The following STAU1 variants were observed in gnomAD, a reference collection of about 807,000 sequenced individuals.
The protein encoded by STAU1 is double-stranded RNA-binding protein Staufen homolog 1.
A neutral mutation model predicts 62.9 loss-of-function variants in STAU1; 13 were observed. The observed-to-expected ratio is 0.21, with a 90% CI of 0.13 to 0.33. STAU1 has a LOEUF of 0.33. STAU1 is among the 10% of genes least tolerant of loss of function. The pLI, the probability that STAU1 is intolerant of heterozygous loss-of-function variation, is 1.00. For synonymous variants in STAU1, 269 were observed against 265.1 expected (o/e 1.01, Z -0.14); for missense variants, 571 against 712.1 (o/e 0.80, Z 2.25).
chr20:49,149,493 C>A (rs540865989), intron 5 of STAU1, among the ~76,000 whole-genome samples: 1 of 152,280 alleles, frequency 6.6e-6, no homozygotes, highest in East Asian at 1.9e-4. Flanking sequence ...CAGTGTCCAG[C>A]AATTGTTCAT....
At chr20:49,195,528 T>C in the STAU1 span, among the ~76,000 whole-genome samples, 4 of 41,420 alleles carry the variant, frequency 9.7e-5, no homozygotes, top group African/African-American at 1.6e-4. Context: ...AGAGCAAGAC[T>C]CCGTCTCAAA....
At chr20:49,152,340 C>CTTTTTTTTTTTT in intron 4 of STAU1, among the ~76,000 whole-genome samples, 1 of 104,576 alleles carries the variant, frequency 9.6e-6, no homozygotes, top group Non-Finnish European at 1.8e-5. Context: ...CCACTAATGT[C>CTTTTTTTTTTTT]TTTTTTTTTT....
At chr20:49,149,390 C>T (rs113448636) in intron 5 of STAU1, among the ~76,000 whole-genome samples, 1,803 of 73,948 alleles carry the variant, frequency 0.024, 43 homozygotes, top group African/African-American at 0.049. Flanking sequence ...TCCTGGGTCT[C>T]ACCCTACACC....
At chr20:49,150,258 C>T in intron 5 of STAU1, among the ~76,000 whole-genome samples, 1 of 152,164 alleles carries the variant, frequency 6.6e-6, no homozygotes, top group East Asian at 1.9e-4. Context: ...AATTCTTTGA[C>T]AATCCTTTCA....
chr20:49,129,014 C>T (rs1205973303), intron 6 of STAU1, among the ~76,000 whole-genome samples: 4 of 151,814 alleles, frequency 2.6e-5, no homozygotes, highest in Admixed American at 6.6e-5. Context: ...TAAAATCAAA[C>T]GACAAGCCAC....
chr20:49,132,675 C>T (rs1714648357), intron 6 of STAU1, among the ~76,000 whole-genome samples: 1 of 152,128 alleles, frequency 6.6e-6, no homozygotes, highest in African/African-American at 2.4e-5. Context: ...AGGAGAATTG[C>T]TTGAAGCCAG....
At chr20:49,218,564 A>C in the STAU1 span, among the ~76,000 whole-genome samples, 1 of 107,656 alleles carries the variant, frequency 9.3e-6, no homozygotes, top group African/African-American at 2.8e-5. Context: ...AAACAAACAA[A>C]CAAAAAAAAC....
At chr20:49,163,910 G>A (rs2093487343) in intron 3 of STAU1, among the ~76,000 whole-genome samples, 1 of 151,252 alleles carries the variant, frequency 6.6e-6, no homozygotes, top group Non-Finnish European at 1.5e-5. Flanking sequence ...GACAACAGGT[G>A]CACACCATCA....
intron 5 of STAU1, 49 bp from the exon 6 acceptor site, chr20:49,135,980 G>T (rs1444509350): frequency 1.5e-5 from 21 of 1,444,320 alleles, no homozygotes; most frequent in Non-Finnish European, 2.0e-5. Flanking sequence ...ATAGTCAATG[G>T]CCAGGTGAGT....
At chr20:49,126,588 C>CAAAAAAAAAACAAAACAAACAAA (rs1568835758) in intron 6 of STAU1, among the ~76,000 whole-genome samples, 9 of 56,376 alleles carry the variant, frequency 1.6e-4, no homozygotes, top group African/African-American at 5.7e-4. Context: ...AAAAAAAAAA[C>CAAAAAAAAAACAAAACAAACAAA]AAAAAAAAAA....
intron 6 of STAU1, among the ~76,000 whole-genome samples, chr20:49,133,075 A>C (rs1032651729): frequency 6.6e-6 from 1 of 152,210 alleles, no homozygotes; most frequent in Admixed American, 6.5e-5. Context: ...AGCTGTGATA[A>C]ATTACTTTAA....
intron 2 of STAU1, among the ~76,000 whole-genome samples, chr20:49,166,511 C>T (rs374778374): frequency 2.0e-4 from 30 of 152,260 alleles, no homozygotes; most frequent in African/African-American, 7.2e-4. Flanking sequence ...TACCTGTGTG[C>T]TCTGCATATT....
chr20:49,125,198 C>CAAAAAAAAAAAAAAAAAAA (rs1171534142), intron 6 of STAU1, among the ~76,000 whole-genome samples: 4 of 33,716 alleles, frequency 1.2e-4, no homozygotes, highest in Admixed American at 5.3e-4. Context: ...CTCATTTTTG[C>CAAAAAAAAAAAAAAAAAAA]AAAAAAAAAA....
intron 2 of STAU1, among the ~76,000 whole-genome samples, chr20:49,173,733 C>A (rs1056945528): frequency 6.6e-6 from 1 of 152,170 alleles, no homozygotes. Flanking sequence ...TTAGAAAACT[C>A]CTTTTTTATC....
At chr20:49,194,443 AAAAAGAAAAG>A in the STAU1 span, among the ~76,000 whole-genome samples, 1 of 149,034 alleles carries the variant, frequency 6.7e-6, no homozygotes, top group Admixed American at 6.8e-5. Context: ...AAAAAAAAAA[AAAAAGAAAAG>A]AAAAAGAAAA....
At chr20:49,219,216 A>G in the STAU1 span, 3 of 788,602 alleles carry the variant, frequency 3.8e-6, no homozygotes, top group South Asian at 3.7e-5. Flanking sequence ...TTGAGGCCGG[A>G]GACAATGGAA....
chr20:49,185,139 TAGA>T (rs2093772209), intron 1 of STAU1, among the ~76,000 whole-genome samples: 1 of 152,228 alleles, frequency 6.6e-6, no homozygotes, highest in Admixed American at 6.5e-5. Flanking sequence ...AATTCTATGT[TAGA>T]AGATTATCTT....
At chr20:49,115,656 G>T in intron 13 of STAU1, 126 bp downstream of exon 13, 1 of 841,390 alleles carries the variant, frequency 1.2e-6, no homozygotes, top group Non-Finnish European at 2.0e-6. Flanking sequence ...AAAACTTTCA[G>T]GCAAAAGGGC....
chr20:49,205,778 G>A, the STAU1 span, among the ~76,000 whole-genome samples: 44 of 151,020 alleles, frequency 2.9e-4, no homozygotes, highest in African/African-American at 1.0e-3. Flanking sequence ...GGGTTCAAGC[G>A]ATTCTCCTGC....
Sources: allele counts gnomAD v4.1 joint callset (sites outside exome capture counted in the v4.1 genomes callset), GRCh38; gene constraint gnomAD v4.1.1; transcripts MANE v1.5; gene names NCBI Gene and HGNC (gene_info 2026-07-23, HGNC 2026-07-21).